DDR2: variants seen among roughly 807,000 people sequenced by gnomAD.
DDR2 encodes the protein discoidin domain receptor tyrosine kinase 2.
In DDR2, 27 loss-of-function variants were observed where a neutral mutation model predicts 94.9. The ratio of observed to expected loss-of-function variants is 0.28; its 90% CI spans 0.21 to 0.39. DDR2 has a LOEUF of 0.39. Among genes scored for constraint, DDR2 ranks in the 10% least tolerant of loss-of-function variants. DDR2 has a pLI of 1.00. For synonymous variants in DDR2, 382 were observed against 377.2 expected, an observed-to-expected ratio of 1.01 and a Z score of -0.15; for missense variants, 783 against 1,076.0, an observed-to-expected ratio of 0.73 and a Z score of 3.81.
intron 2 of DDR2, among the ~76,000 whole-genome samples, chr1:162,684,152 A>G (rs1366635840): frequency 6.6e-6 from 1 of 152,210 alleles, no homozygotes; most frequent in African/African-American, 2.4e-5. Context: ...GCCCAGGTTT[A>G]GGTCCTTGGC....
chr1:162,737,159 ATT>A lies in DDR2; in HGVS notation c.83-15926_83-15925del, dbSNP rs34908304. On this transcript the variant is annotated intron_variant, in intron 3 of 17. Transcript: ENST00000367921. ...TTTTTTATTTATTTTTTTTGGAATA[ATT>A]TTTTTTTTTATTATACTTTAAGTTT... Among the ~76,000 whole-genome samples, 477 of 143,418 alleles carry A rather than the reference ATT, an allele frequency of 3.3e-3. 5 individuals are homozygous for A. Among genetic ancestry groups the A allele is most frequent in the African/African-American group, 6.1e-3 (234 of 38,638 alleles). 94.1% of individuals were successfully genotyped at this position (143,418 alleles called of 152,430 possible).
intron 1 of DDR2, among the ~76,000 whole-genome samples, chr1:162,647,371 A>G (rs186061059): frequency 1.7e-3 from 252 of 152,278 alleles, no homozygotes; most frequent in African/African-American, 5.8e-3. Context: ...TCATAGCTCT[A>G]AGGTCAATAT....
At chr1:162,675,217 C>T (rs1344125959) in intron 2 of DDR2, among the ~76,000 whole-genome samples, 1 of 151,998 alleles carries the variant, frequency 6.6e-6, no homozygotes, top group Non-Finnish European at 1.5e-5. Flanking sequence ...TAAGAGATTC[C>T]CATGGTCCAG....
At chr1:162,772,301 T>C (rs755267067) in intron 13 of DDR2, 54 bp downstream of exon 13, 1 of 1,568,820 alleles carries the variant, frequency 6.4e-7, no homozygotes, top group Admixed American at 1.8e-5. Context: ...TGGATAAAAA[T>C]GATCAGTAGA....
chr1:162,686,707 A>G (rs1659705864), intron 2 of DDR2, among the ~76,000 whole-genome samples: 4 of 152,192 alleles, frequency 2.6e-5, no homozygotes, highest in Admixed American at 2.6e-4. Flanking sequence ...TAGTAGAATG[A>G]TTTATAATCC....
In DDR2 at chr1:162,755,146, C is replaced by T; in HGVS notation, c.418-10C>T. 6.2e-7 allele frequency: 1 copy of T among 1,614,124 alleles called. No homozygotes were observed. The highest frequency in any genetic ancestry group is 8.5e-7 in the Non-Finnish European group (1 of 1,179,994). On this transcript the variant is annotated splice_polypyrimidine_tract_variant and intron_variant, in intron 5 of 17. Coordinates refer to ENST00000367921, the MANE Select transcript of DDR2 (RefSeq NM_006182.4). The stretch of plus-strand genomic sequence containing the variant: ...ACCACCTCTTCACTCATTCTCTTCT[C>T]TCTCCTCAGGTGCTGGATGGAAATA...
chr1:162,688,168 G>A (rs770039447), intron 2 of DDR2, among the ~76,000 whole-genome samples: 1 of 152,224 alleles, frequency 6.6e-6, no homozygotes, highest in Non-Finnish European at 1.5e-5. Flanking sequence ...AATGTAGCAA[G>A]TGAGACTGAC....
At chr1:162,678,617 G>A (rs1659247469) in intron 2 of DDR2, among the ~76,000 whole-genome samples, 1 of 152,228 alleles carries the variant, frequency 6.6e-6, no homozygotes, top group African/African-American at 2.4e-5. Flanking sequence ...CTGTTGCCCA[G>A]AATGCATTCC....
At position 162,766,075 on chromosome 1, in the gene DDR2, T is replaced by G; in HGVS notation, c.1162+12T>G. 4 of 1,613,666 alleles carry G rather than the reference T, an allele frequency of 2.5e-6. No individual in the cohort carries two copies. Among genetic ancestry groups the G allele is most frequent in the Non-Finnish European group, 3.4e-6 (4 of 1,179,668 alleles). ...ACCCACAACCTATGGTATATGTGAT[T>G]CCTAATTACACAAATTAATTTGAAG... On this transcript the variant is annotated intron_variant, in intron 10 of 17. Transcript: ENST00000367921.
intron 2 of DDR2, among the ~76,000 whole-genome samples, chr1:162,684,869 C>T (rs1322383541): frequency 6.7e-6 from 1 of 149,088 alleles, no homozygotes; most frequent in Admixed American, 6.7e-5. Flanking sequence ...ATGAATAGCA[C>T]CCTTAGCACC....
intron 13 of DDR2, chr1:162,772,466 T>A: frequency 1.8e-6 from 1 of 569,074 alleles, no homozygotes; most frequent in South Asian, 2.0e-5. Context: ...TAGGAGTTTT[T>A]AAGGCAGGCA....
Position 162,755,091 on chromosome 1 carries a change from TG to T in DDR2, c.418-61del, listed in dbSNP as rs1017881869. The T allele has an allele frequency of 2.5e-5, 40 of 1,606,782 alleles. No homozygotes were observed. In the African/African-American group the frequency reaches 3.6e-4, roughly 15 times the overall value. On this transcript the variant is annotated intron_variant, in intron 5 of 17. Transcript: ENST00000367921. ...AAGAGAGAGTCCATCAAAAACGTGGTGGGGTGAAGAAAAGTGAGCATGATTT... is the reference window on the plus strand; with the variant it reads ...AAGAGAGAGTCCATCAAAAACGTGGTGGGTGAAGAAAAGTGAGCATGATTT...
At chr1:162,674,396 G>A (rs2101944145) in intron 2 of DDR2, among the ~76,000 whole-genome samples, 1 of 152,234 alleles carries the variant, frequency 6.6e-6, no homozygotes, top group South Asian at 2.1e-4. Context: ...ATTCACGGAT[G>A]GATTACCTAG....
At chr1:162,717,322 C>T (rs1179029859) in intron 2 of DDR2, among the ~76,000 whole-genome samples, 2 of 152,214 alleles carry the variant, frequency 1.3e-5, no homozygotes, top group Non-Finnish European at 2.9e-5. Flanking sequence ...AGGCGTGAGC[C>T]ACTGTGCCTG....
chr1:162,747,596 A>AT (rs1191478681), intron 3 of DDR2, among the ~76,000 whole-genome samples: 5 of 152,240 alleles, frequency 3.3e-5, no homozygotes, highest in African/African-American at 1.2e-4. Flanking sequence ...ATCCAGGAGA[A>AT]CTTCCCCAAC....
At chr1:162,698,163 T>G (rs1023177490) in intron 2 of DDR2, among the ~76,000 whole-genome samples, 6 of 152,190 alleles carry the variant, frequency 3.9e-5, no homozygotes, top group African/African-American at 1.4e-4. Flanking sequence ...GAAAGCTGAC[T>G]GAAGGGAAAA....
At position 162,719,142 on chromosome 1, in the gene DDR2, C is replaced by A. The variant is rs1411228765; in HGVS notation, c.79C>A (p.Pro27Thr). The change falls in exon 3 of 18, where the codon CCA becomes ACA. Residue 27 changes from proline to threonine, a missense_variant. Pro to Thr is a conservative substitution (Grantham distance 38). Coordinates refer to ENST00000367921, the MANE Select transcript of DDR2 (RefSeq NM_006182.4). ...GAGTTCTGCAAAAGCTCAGGTTAAT[C>A]CAGGTAACATGGCTATTACTCAGCT... is the stretch of plus-strand genomic sequence containing the variant. ...ILSSAKAQVN[P>T]AICRYPLGMS... is the part of the protein sequence containing the mutation. 1 of 1,613,746 alleles carries A rather than the reference C, an allele frequency of 6.2e-7. No homozygotes were observed.
intron 3 of DDR2, among the ~76,000 whole-genome samples, chr1:162,735,631 T>G (rs1006373698): frequency 6.6e-6 from 1 of 152,210 alleles, no homozygotes; most frequent in African/African-American, 2.4e-5. Flanking sequence ...GGAAGGAAAC[T>G]GGCACTCCTT....
chr1:162,698,297 T>C (rs1200132019), intron 2 of DDR2, among the ~76,000 whole-genome samples: 8 of 152,130 alleles, frequency 5.3e-5, no homozygotes, highest in Non-Finnish European at 1.0e-4. Context: ...GTAGACGCCC[T>C]CCTTACCAGA....
Sources: gnomAD v4.1 joint callset for allele counts (sites outside exome capture counted in the v4.1 genomes callset) on GRCh38, gnomAD v4.1.1 for gene constraint, MANE v1.5 for transcripts, NCBI Gene and HGNC (gene_info 2026-07-23, HGNC 2026-07-21) for gene names.